Variants in MARCHF1 observed in about 807,000 individuals in gnomAD.
MARCHF1 encodes the protein membrane associated ring-CH-type finger 1, also known as E3 ubiquitin-protein ligase MARCHF1.
In MARCHF1, 40 loss-of-function variants were observed where a neutral mutation model predicts 54.2. That is an observed-to-expected ratio of 0.74 (90% CI 0.57 to 0.96). The LOEUF is 0.96. Ranked by LOEUF, MARCHF1 falls within the 40% of genes least tolerant of loss-of-function variation. The pLI is 0.00. For missense variants in MARCHF1, 586 were observed against 656.5 expected (o/e 0.89, Z 1.17); for synonymous variants, 236 against 236.3 (o/e 1.00, Z 0.01).
chr4:164,369,967 T>C (rs1033046592), intron 1 of MARCHF1, among the ~76,000 whole-genome samples: 21 of 152,206 alleles, frequency 1.4e-4, no homozygotes, highest in African/African-American at 5.1e-4. Flanking sequence ...TATTATTCAT[T>C]ATTACAACAA....
intron 1 of MARCHF1, among the ~76,000 whole-genome samples, chr4:164,186,224 A>G (rs1303342565): frequency 4.6e-5 from 7 of 152,196 alleles, no homozygotes; most frequent in Admixed American, 4.6e-4. Flanking sequence ...TTGAAAATGC[A>G]GTAATCCTGA....
At chr4:163,677,019 A>G (rs1181244029) in intron 5 of MARCHF1, among the ~76,000 whole-genome samples, 1 of 152,160 alleles carries the variant, frequency 6.6e-6, no homozygotes, top group Admixed American at 6.5e-5. Context: ...GTACTGAAAA[A>G]AGAAAAAATA....
intron 3 of MARCHF1, among the ~76,000 whole-genome samples, chr4:163,972,862 G>A (rs1307399080): frequency 6.6e-6 from 1 of 151,918 alleles, no homozygotes; most frequent in African/African-American, 2.4e-5. Flanking sequence ...CGGCCTTAAT[G>A]TATATGTTTA....
At chr4:164,353,922 A>T (rs1730431394) in intron 1 of MARCHF1, among the ~76,000 whole-genome samples, 1 of 116,118 alleles carries the variant, frequency 8.6e-6, no homozygotes, top group Non-Finnish European at 1.8e-5. Flanking sequence ...AAAAAATGAT[A>T]AAGGGGATAT....
intron 1 of MARCHF1, among the ~76,000 whole-genome samples, chr4:164,217,711 G>A (rs1173931626): frequency 6.6e-6 from 1 of 152,160 alleles, no homozygotes; most frequent in Non-Finnish European, 1.5e-5. Context: ...GAACTCAAGA[G>A]GGAAGGGCAG....
chr4:164,234,677 T>C (rs4404502), intron 1 of MARCHF1, among the ~76,000 whole-genome samples: 39,887 of 152,020 alleles, frequency 0.26, 5,909 homozygotes, highest in East Asian at 0.5. Flanking sequence ...AGAACTAATT[T>C]GCCTTAATCT....
At chr4:163,883,576 T>C (rs1750466865) in intron 3 of MARCHF1, among the ~76,000 whole-genome samples, 1 of 152,154 alleles carries the variant, frequency 6.6e-6, no homozygotes, top group Admixed American at 6.5e-5. Flanking sequence ...AAGGATATTA[T>C]GGTTACAATA....
Position 164,213,274 on chromosome 4 carries a change from C to T in MARCHF1, c.-322-101612G>A, listed in dbSNP as rs1413495043. Among the ~76,000 whole-genome samples, 37 of 150,150 alleles carry T rather than the reference C, an allele frequency of 2.5e-4. 1 individual carries two copies. Among genetic ancestry groups the T allele is most frequent in the Admixed American group, 2.5e-3 (37 of 15,080 alleles). On this transcript the variant is annotated intron_variant, in intron 1 of 9. Coordinates refer to ENST00000514618, the MANE Select transcript of MARCHF1 (RefSeq NM_001394959.1). The stretch of plus-strand genomic sequence containing the variant: ...TTTGAGATGGAGTCTCACTCTGTGG[C>T]CCAGGCTGGAGTGCAGTGGCGCAAG...
At chr4:163,594,089 A>C (rs1740678580) in intron 7 of MARCHF1, among the ~76,000 whole-genome samples, 1 of 152,184 alleles carries the variant, frequency 6.6e-6, no homozygotes, top group Admixed American at 6.6e-5. Context: ...TTGTATGCAA[A>C]GGAGTGAAAG....
In MARCHF1 at chr4:163,960,724, C is replaced by T. The variant is rs138882485; in HGVS notation, c.-39+27777G>A. Among the ~76,000 whole-genome samples the T allele has an allele frequency of 1.9e-3, 293 of 150,768 alleles. 3 individuals are homozygous for T. The highest frequency in any genetic ancestry group is 7.1e-3 in the African/African-American group (290 of 41,064). ...TTGAGTACCAGGCTTAATACCTGGG[C>T]GATGAAATAATCTGCACAATAAACC... On this transcript the variant is annotated intron_variant, in intron 3 of 9. Coordinates refer to ENST00000514618, the MANE Select transcript of MARCHF1 (RefSeq NM_001394959.1).
At chr4:164,254,004 T>C (rs1733195998) in intron 1 of MARCHF1, among the ~76,000 whole-genome samples, 1 of 152,186 alleles carries the variant, frequency 6.6e-6, no homozygotes, top group Non-Finnish European at 1.5e-5. Context: ...TTGGAAGGTA[T>C]GGAAGGTGGT....
chr4:163,773,098 G>T (rs1211233259), intron 4 of MARCHF1, among the ~76,000 whole-genome samples: 2 of 152,184 alleles, frequency 1.3e-5, no homozygotes, highest in African/African-American at 4.8e-5. Flanking sequence ...GAGTTTAACA[G>T]AAAAGAATGA....
At chr4:163,910,810 T>C (rs189580527) in intron 3 of MARCHF1, among the ~76,000 whole-genome samples, 6 of 152,328 alleles carry the variant, frequency 3.9e-5, no homozygotes, top group Non-Finnish European at 7.3e-5. Context: ...ATAGTAATCT[T>C]CTAAAGTTCC....
At chr4:164,097,258 A>G (rs1022941001) in intron 2 of MARCHF1, among the ~76,000 whole-genome samples, 1 of 152,164 alleles carries the variant, frequency 6.6e-6, no homozygotes, top group African/African-American at 2.4e-5. Context: ...AAGAGCTTCT[A>G]TCCTAGGATT....
intron 2 of MARCHF1, among the ~76,000 whole-genome samples, chr4:163,994,720 C>G (rs184385762): frequency 6.8e-6 from 1 of 147,546 alleles, no homozygotes; most frequent in Admixed American, 6.9e-5. Flanking sequence ...CTGGACCTAA[C>G]AGTCCTAATC....
chr4:164,145,501 T>C (rs1729656695), intron 1 of MARCHF1, among the ~76,000 whole-genome samples: 2 of 151,842 alleles, frequency 1.3e-5, no homozygotes, highest in African/African-American at 4.8e-5. Context: ...ATCCCTGGGA[T>C]GCAAGGCTGG....
At chr4:163,691,115 C>T (rs1050999750) in intron 5 of MARCHF1, among the ~76,000 whole-genome samples, 1 of 152,122 alleles carries the variant, frequency 6.6e-6, no homozygotes, top group African/African-American at 2.4e-5. Flanking sequence ...CTCCATTTTC[C>T]CAGGGTGCCT....
chr4:163,951,906 A>C (rs1560833345), intron 3 of MARCHF1, among the ~76,000 whole-genome samples: 2 of 152,236 alleles, frequency 1.3e-5, no homozygotes, highest in Non-Finnish European at 2.9e-5. Context: ...AATATGCTAC[A>C]CACTGTGAAT....
chr4:163,826,612 C>T (rs1481498675), intron 4 of MARCHF1, among the ~76,000 whole-genome samples: 1 of 152,006 alleles, frequency 6.6e-6, no homozygotes. Flanking sequence ...CCAACATACA[C>T]TGTACTTCAT....
Sources: gnomAD v4.1 joint callset for allele counts (sites outside exome capture counted in the v4.1 genomes callset) on GRCh38, gnomAD v4.1.1 for gene constraint, MANE v1.5 for transcripts, NCBI Gene and HGNC (gene_info 2026-07-23, HGNC 2026-07-21) for gene names.